The following STXBP5L variants were observed in gnomAD, a reference collection of about 807,000 sequenced individuals.
The protein encoded by STXBP5L is syntaxin binding protein 5L.
A neutral mutation model predicts 144.5 loss-of-function variants in STXBP5L; 65 were observed. The observed-to-expected ratio is 0.45, with a 90% CI of 0.37 to 0.55. The LOEUF (loss-of-function observed/expected upper bound fraction) is 0.55. Ranked by LOEUF, STXBP5L falls within the 20% of genes least tolerant of loss-of-function variation. STXBP5L has a pLI of 0.00. For synonymous variants in STXBP5L, 505 were observed against 469.6 expected, an observed-to-expected ratio of 1.08 and a Z score of -0.97; for missense variants, 1,298 against 1,405.5, an observed-to-expected ratio of 0.92 and a Z score of 1.22.
chr3:121,327,805 C>A (rs535974653), intron 20 of STXBP5L, among the ~76,000 whole-genome samples: 1 of 152,240 alleles, frequency 6.6e-6, no homozygotes, highest in South Asian at 2.1e-4. Context: ...GACAATTTGC[C>A]CAGAATCTAA....
chr3:121,378,961 G>A lies in STXBP5L; in HGVS notation c.2347+75G>A. On this transcript the variant is annotated intron_variant, in intron 21 of 26. Transcript: ENST00000471454. ...AATGGTAATGGGAACAGAGATATGG[G>A]ATGGAGATCACATATGAAAGATGTT... 3 of 1,426,264 alleles carry A rather than the reference G, an allele frequency of 2.1e-6. No individual in the cohort carries two copies. In the South Asian group the frequency reaches 4.0e-5, roughly 19 times the overall value. 88.4% of individuals were successfully genotyped at this position (1,426,264 alleles called of 1,614,324 possible).
chr3:121,411,737 T>C (rs1194230909), intron 23 of STXBP5L, among the ~76,000 whole-genome samples: 1 of 152,146 alleles, frequency 6.6e-6, no homozygotes, highest in Non-Finnish European at 1.5e-5. Context: ...TGCCCTAAGT[T>C]ATGGGTAATT....
intron 3 of STXBP5L, among the ~76,000 whole-genome samples, chr3:120,983,889 T>C (rs1024252827): frequency 6.6e-6 from 1 of 152,214 alleles, no homozygotes; most frequent in African/African-American, 2.4e-5. Context: ...ATTTTGATTT[T>C]TCTTAATGGA....
chr3:121,222,888 G>A, intron 10 of STXBP5L, 115 bp from the exon 11 acceptor site: 2 of 1,173,394 alleles, frequency 1.7e-6, no homozygotes, highest in Non-Finnish European at 2.3e-6. Context: ...CAAGTTTTTT[G>A]CTGTCTGTCA....
chr3:121,296,060 A>G lies in STXBP5L; in HGVS notation c.2110+16104A>G, dbSNP rs145233185. On this transcript the variant is annotated intron_variant, in intron 19 of 26. Transcript: ENST00000471454. Reference sequence around the variant, plus strand: ...CAGTAGCCAGGAAATCATATTTCTGATACTCAATTGTTTATTTACCATAAA... The same window carrying G: ...CAGTAGCCAGGAAATCATATTTCTGGTACTCAATTGTTTATTTACCATAAA... Among the ~76,000 whole-genome samples, 5 of 152,292 alleles carry G rather than the reference A, an allele frequency of 3.3e-5. No individual in the cohort carries two copies. In the East Asian group the frequency reaches 9.6e-4, roughly 29 times the overall value.
At chr3:121,313,733 G>A (rs1466286979) in intron 19 of STXBP5L, among the ~76,000 whole-genome samples, 1 of 98,182 alleles carries the variant, frequency 1.0e-5, no homozygotes, top group African/African-American at 3.6e-5. Flanking sequence ...CGGGCGGGGG[G>A]CTGACCCCCC....
Position 121,312,586 on chromosome 3 carries a change from C to T in STXBP5L, c.2111-5889C>T, listed in dbSNP as rs555908944. ...CAAGTGAACAAAGGTCTCTGGTTTTCCTAGGCAGAGGACCCTGCGGCCTTC... is the reference window on the plus strand; with the variant it reads ...CAAGTGAACAAAGGTCTCTGGTTTTTCTAGGCAGAGGACCCTGCGGCCTTC... On this transcript the variant is annotated intron_variant, in intron 19 of 26. Coordinates refer to ENST00000471454, the MANE Select transcript of STXBP5L (RefSeq NM_001308330.2). 6.1e-4 allele frequency among the ~76,000 whole-genome samples: 90 copies of T among 148,732 alleles called. 1 individual carries two copies. The South Asian group carries it at 0.011, about 18-fold the overall frequency.
At chr3:121,362,384 C>T (rs544096321) in intron 20 of STXBP5L, among the ~76,000 whole-genome samples, 93 of 152,262 alleles carry the variant, frequency 6.1e-4, no homozygotes, top group African/African-American at 2.1e-3. Context: ...GTGGCAAGGC[C>T]CCCTAGGTCC....
At position 121,079,543 on chromosome 3, in the gene STXBP5L, C is replaced by A. The variant is rs548859348; in HGVS notation, c.470+34008C>A. Among the ~76,000 whole-genome samples, 11 of 152,292 alleles carry A rather than the reference C, an allele frequency of 7.2e-5. No individual in the cohort carries two copies. In the South Asian group the frequency reaches 2.3e-3, roughly 32 times the overall value. ...GATTTTAAAATTTCTATTACTGCTA[C>A]TATTAAGTTATAGTTGATTTTATTA... On this transcript the variant is annotated intron_variant, in intron 5 of 26. Coordinates refer to ENST00000471454, the MANE Select transcript of STXBP5L (RefSeq NM_001308330.2).
At chr3:121,369,200 A>G (rs2045955411) in intron 20 of STXBP5L, among the ~76,000 whole-genome samples, 1 of 152,192 alleles carries the variant, frequency 6.6e-6, no homozygotes, top group Non-Finnish European at 1.5e-5. Flanking sequence ...GCTGCAATTT[A>G]CCATCTAAGC....
chr3:121,304,113 A>C (rs536599293), intron 19 of STXBP5L, among the ~76,000 whole-genome samples: 3 of 152,294 alleles, frequency 2.0e-5, no homozygotes, highest in South Asian at 4.1e-4. Context: ...GGCTATATTA[A>C]TATTAGATGA....
chr3:121,286,987 A>G (rs2051254065), intron 19 of STXBP5L, among the ~76,000 whole-genome samples: 1 of 152,186 alleles, frequency 6.6e-6, no homozygotes, highest in Non-Finnish European at 1.5e-5. Context: ...CAAAGAAACC[A>G]AAGCATCTAC....
chr3:121,034,032 G>A (rs985601170), intron 3 of STXBP5L, among the ~76,000 whole-genome samples: 4 of 152,050 alleles, frequency 2.6e-5, no homozygotes, highest in Non-Finnish European at 4.4e-5. Flanking sequence ...AGGAAACTAA[G>A]CTTTGGATAT....
chr3:121,124,410 A>G (rs1221513679), intron 7 of STXBP5L, among the ~76,000 whole-genome samples: 2 of 151,970 alleles, frequency 1.3e-5, no homozygotes, highest in African/African-American at 4.8e-5. Flanking sequence ...ACATGTTAAG[A>G]TATGGGTGTT....
At chr3:121,161,950 G>A (rs1324024572) in intron 9 of STXBP5L, among the ~76,000 whole-genome samples, 1 of 151,958 alleles carries the variant, frequency 6.6e-6, no homozygotes, top group East Asian at 1.9e-4. Flanking sequence ...AATTTAGAAA[G>A]AGTATTCAAA....
chr3:121,333,220 A>T (rs2044384408), intron 20 of STXBP5L, among the ~76,000 whole-genome samples: 1 of 152,202 alleles, frequency 6.6e-6, no homozygotes, highest in South Asian at 2.1e-4. Context: ...TGATTGGAAC[A>T]GTACCTCACA....
intron 5 of STXBP5L, among the ~76,000 whole-genome samples, chr3:121,049,123 G>A (rs1947748678): frequency 6.6e-6 from 1 of 152,080 alleles, no homozygotes; most frequent in Admixed American, 6.5e-5. Flanking sequence ...ACACTGCCCA[G>A]AGAACCATAG....
At chr3:121,351,454 C>T (rs552394846) in intron 20 of STXBP5L, among the ~76,000 whole-genome samples, 35 of 152,212 alleles carry the variant, frequency 2.3e-4, no homozygotes, top group Admixed American at 1.1e-3. Flanking sequence ...TCTCAAGCTG[C>T]GTGCTGGGAG....
At chr3:121,388,402 C>T (rs756533001) in intron 22 of STXBP5L, among the ~76,000 whole-genome samples, 14 of 152,088 alleles carry the variant, frequency 9.2e-5, no homozygotes, top group Non-Finnish European at 1.2e-4. Context: ...TTTCTCTTGC[C>T]GGATTGCCCT....
Sources: allele counts gnomAD v4.1 joint callset (sites outside exome capture counted in the v4.1 genomes callset), GRCh38; gene constraint gnomAD v4.1.1; transcripts MANE v1.5; gene names NCBI Gene and HGNC (gene_info 2026-07-23, HGNC 2026-07-21).